XXYLT1: variants seen among roughly 807,000 people sequenced by gnomAD.
XXYLT1 encodes xyloside xylosyltransferase 1.
In XXYLT1, 20 loss-of-function variants were observed where a neutral mutation model predicts 28.9. That is an observed-to-expected ratio of 0.69 (90% CI 0.49 to 1.00). The LOEUF (loss-of-function observed/expected upper bound fraction) is 1.00, where lower values mean the gene tolerates loss of function less well. Ranked by LOEUF, XXYLT1 falls within the 50% of genes least tolerant of loss-of-function variation. The probability of loss-of-function intolerance (pLI) is 0.00; values close to 1 mark genes in which losing one functional copy is unlikely to be tolerated. For missense variants in XXYLT1, 542 were observed against 560.1 expected (o/e 0.97, Z 0.33); for synonymous variants, 257 against 253.8 (o/e 1.01, Z -0.12).
intron 2 of XXYLT1, among the ~76,000 whole-genome samples, chr3:195,171,036 C>T (rs1440737787): frequency 6.6e-6 from 1 of 152,198 alleles, no homozygotes; most frequent in African/African-American, 2.4e-5. Context: ...ACTGTGTAAA[C>T]CTCACTGCAG....
At chr3:195,259,790 C>A (rs572397545) in intron 1 of XXYLT1, among the ~76,000 whole-genome samples, 1 of 152,370 alleles carries the variant, frequency 6.6e-6, no homozygotes, top group South Asian at 2.1e-4. Flanking sequence ...GAGGGGCCAC[C>A]CCCACCACGC....
At chr3:195,106,232 A>G (rs1717074322) in intron 3 of XXYLT1, among the ~76,000 whole-genome samples, 1 of 147,660 alleles carries the variant, frequency 6.8e-6, no homozygotes, top group Admixed American at 6.6e-5. Context: ...CTCGACGGAG[A>G]GGCGCTCTTG....
At chr3:195,166,867 T>C (rs999665923) in intron 2 of XXYLT1, among the ~76,000 whole-genome samples, 5 of 152,160 alleles carry the variant, frequency 3.3e-5, no homozygotes, top group African/African-American at 1.2e-4. Context: ...TTAGTAGAGA[T>C]AGGGTTTCAC....
intron 1 of XXYLT1, among the ~76,000 whole-genome samples, chr3:195,266,492 C>CA (rs1157209767): frequency 5.4e-4 from 76 of 140,340 alleles, no homozygotes; most frequent in African/African-American, 1.2e-3. Context: ...GACTCTATCA[C>CA]AAAAAAAAAA....
chr3:195,206,070 C>G (rs999172049), intron 2 of XXYLT1, among the ~76,000 whole-genome samples: 4 of 144,578 alleles, frequency 2.8e-5, no homozygotes, highest in Non-Finnish European at 6.0e-5. Flanking sequence ...TGTCACCCAG[C>G]CTGGAGTGCA....
chr3:195,090,851 A>G (rs1031674663), intron 3 of XXYLT1, among the ~76,000 whole-genome samples: 1 of 151,484 alleles, frequency 6.6e-6, no homozygotes, highest in African/African-American at 2.5e-5. Flanking sequence ...GGATATCACC[A>G]CCGATCTCAC....
intron 3 of XXYLT1, among the ~76,000 whole-genome samples, chr3:195,103,765 A>G (rs1264251878): frequency 1.3e-5 from 2 of 152,226 alleles, no homozygotes; most frequent in East Asian, 1.9e-4. Context: ...AAACAATGCA[A>G]TCTTGTCAGG....
intron 1 of XXYLT1, among the ~76,000 whole-genome samples, chr3:195,227,433 A>C (rs1468252775): frequency 6.6e-6 from 1 of 152,200 alleles, no homozygotes; most frequent in Non-Finnish European, 1.5e-5. Flanking sequence ...CTCACACTCA[A>C]CTAGCATTTC....
intron 3 of XXYLT1, among the ~76,000 whole-genome samples, chr3:195,112,496 GCA>G (rs748401158): frequency 1.3e-5 from 1 of 75,562 alleles, no homozygotes; most frequent in Non-Finnish European, 3.2e-5. Flanking sequence ...ATGGACACAT[GCA>G]CACACCCACA....
rs993662472 is a variant in XXYLT1 at position 195,076,787 on chromosome 3, C to T, written c.786-6676G>A. Among the ~76,000 whole-genome samples the T allele has an allele frequency of 2.0e-5, 3 of 152,142 alleles. No homozygotes were observed. The highest frequency in any genetic ancestry group is 2.9e-5 in the Non-Finnish European group (2 of 68,034). On this transcript the variant is annotated intron_variant, in intron 3 of 3. Transcript: ENST00000310380. This position sits in a 1 kb window ranked among gnomAD's most constrained non-coding sequence, Gnocchi z 5.3. ...GCTCTCTGCCTTCATATTCACATGG[C>T]GTTCTCCCTGCGTGCACGTGCCTCT...
intron 3 of XXYLT1, among the ~76,000 whole-genome samples, chr3:195,108,659 A>T (rs1214358393): frequency 2.0e-5 from 3 of 152,234 alleles, no homozygotes; most frequent in Non-Finnish European, 4.4e-5. Flanking sequence ...CCTAGGCTAC[A>T]AACCTGCATG....
intron 2 of XXYLT1, among the ~76,000 whole-genome samples, chr3:195,161,932 A>T (rs1041042974): frequency 2.0e-5 from 3 of 151,764 alleles, no homozygotes; most frequent in Non-Finnish European, 4.4e-5. Flanking sequence ...GATTAATATT[A>T]TTTCTATTTG....
intron 3 of XXYLT1, among the ~76,000 whole-genome samples, chr3:195,087,802 T>C (rs900125666): frequency 1.3e-5 from 2 of 151,938 alleles, no homozygotes; most frequent in African/African-American, 2.4e-5. Flanking sequence ...TGCCAGACAG[T>C]GGGCGCAGGT....
chr3:195,161,413 G>A (rs951862416), intron 2 of XXYLT1, among the ~76,000 whole-genome samples: 1 of 152,134 alleles, frequency 6.6e-6, no homozygotes, highest in Non-Finnish European at 1.5e-5. Context: ...GGTGAAGATA[G>A]CAGACGACCC....
intron 3 of XXYLT1, among the ~76,000 whole-genome samples, chr3:195,081,993 G>C (rs543996387): frequency 6.6e-5 from 10 of 152,362 alleles, no homozygotes; most frequent in Middle Eastern, 3.4e-3. Context: ...GAAGCTTCCG[G>C]GGGGCGATCA....
At chr3:195,101,468 AC>A (rs1230831377) in intron 3 of XXYLT1, among the ~76,000 whole-genome samples, 1 of 152,232 alleles carries the variant, frequency 6.6e-6, no homozygotes, top group South Asian at 2.1e-4. Context: ...AGAAATGCAC[AC>A]AACTGCTATC....
Position 195,122,241 on chromosome 3 carries a change from T to C in XXYLT1, c.785+34208A>G, listed in dbSNP as rs541317108. 3 of 696,330 alleles carry C rather than the reference T, an allele frequency of 4.3e-6. No individual in the cohort carries two copies. The African/African-American group carries it at 5.2e-5, about 12-fold the overall frequency. 43.1% of individuals were successfully genotyped at this position (696,330 alleles called of 1,614,324 possible). A position where few individuals can be genotyped will look rare whatever the true frequency, so the allele number is the denominator to read the frequency against. On this transcript the variant is annotated intron_variant, in intron 3 of 3. Transcript: ENST00000310380. ...GCCCCACCTCCTGATACCATCACAC[T>C]GGGGGTTAGGATTTCAACACATGAA...
intron 3 of XXYLT1, among the ~76,000 whole-genome samples, chr3:195,088,429 AG>A (rs1238073343): frequency 7.6e-5 from 11 of 145,386 alleles, no homozygotes; most frequent in African/African-American, 2.5e-4. Flanking sequence ...GGCACCTCAC[AG>A]GGCCGGGTAC....
At chr3:195,130,035 T>C (rs1343292325) in intron 3 of XXYLT1, among the ~76,000 whole-genome samples, 3 of 152,230 alleles carry the variant, frequency 2.0e-5, no homozygotes, top group Admixed American at 6.5e-5. Context: ...GGTGTCTCAC[T>C]GTAGCTTTGC....
Sources: gnomAD v4.1 joint callset for allele counts (sites outside exome capture counted in the v4.1 genomes callset) on GRCh38, gnomAD v4.1.1 for gene constraint, Gnocchi (gnomAD v3.1) non-coding constraint, MANE v1.5 for transcripts, NCBI Gene and HGNC (gene_info 2026-07-23, HGNC 2026-07-21) for gene names.